Variants in ANKRD33B observed in about 807,000 individuals in gnomAD.
The protein encoded by ANKRD33B is ankyrin repeat domain-containing protein 33B.
Under a neutral mutation model 21.5 loss-of-function variants are expected in ANKRD33B, and 6 were observed. That is an observed-to-expected ratio of 0.28 (90% CI 0.15 to 0.55). ANKRD33B has a LOEUF of 0.55. Among genes scored for constraint, ANKRD33B ranks in the 20% least tolerant of loss-of-function variants. The pLI is 0.94. For missense variants in ANKRD33B, 698 were observed against 747.2 expected (o/e 0.93, Z 0.77); for synonymous variants, 347 against 342.4 (o/e 1.01, Z -0.15).
In ANKRD33B at chr5:10,656,573, G is replaced by T. The variant is rs1202939267; in HGVS notation, c.*6460G>T. The T allele has an allele frequency of 2.0e-5, 3 of 152,364 alleles. No individual in the cohort carries two copies. The highest frequency in any genetic ancestry group is 4.8e-5 in the African/African-American group (2 of 41,464). 9.4% of individuals were successfully genotyped at this position (152,364 alleles called of 1,614,324 possible). ...GATGGCGTGTTGTTCAGTGTACTCAGTGGGGTCTCACATGGCCCGAGGACC... is the reference window on the plus strand; with the variant it reads ...GATGGCGTGTTGTTCAGTGTACTCATTGGGGTCTCACATGGCCCGAGGACC... On this transcript the variant is annotated 3_prime_UTR_variant, in exon 4 of 4. Transcript: ENST00000296657.
intron 1 of ANKRD33B, among the ~76,000 whole-genome samples, chr5:10,596,671 C>A (rs1735823964): frequency 6.6e-6 from 1 of 152,150 alleles, no homozygotes; most frequent in Admixed American, 6.5e-5. Flanking sequence ...GACAGGCCAA[C>A]ATTTAAATTC....
At chr5:10,604,340 C>G (rs1364561642) in intron 1 of ANKRD33B, among the ~76,000 whole-genome samples, 1 of 150,516 alleles carries the variant, frequency 6.6e-6, no homozygotes, top group Non-Finnish European at 1.5e-5. Flanking sequence ...CACAGATATG[C>G]GCCACCGCAC....
At position 10,649,363 on chromosome 5, in the gene ANKRD33B, G is replaced by A. The variant is rs1187884890; in HGVS notation, c.735G>A (p.Arg245=). 2.0e-6 allele frequency: 3 copies of A among 1,535,360 alleles called. No homozygotes were observed. Among genetic ancestry groups the A allele is most frequent in the African/African-American group, 2.7e-5 (2 of 73,018 alleles). ...GRVDAVRLMQ[R]LLERPCPEQF... is the part of the protein sequence containing the mutation. ...TGGATGCCGTCCGTCTCATGCAGAG[G>A]CTGCTGGAGCGCCCCTGCCCGGAGC... Residue 245 remains arginine (R), a synonymous_variant, in exon 4 of 4, where the codon AGG becomes AGA. Coordinates refer to ENST00000296657, the MANE Select transcript of ANKRD33B (RefSeq NM_001164440.2).
At position 10,600,175 on chromosome 5, in the gene ANKRD33B, A is replaced by G. The variant is rs559478497; in HGVS notation, c.367-18158A>G. Among the ~76,000 whole-genome samples, 188 of 152,356 alleles carry G rather than the reference A, an allele frequency of 1.2e-3. 1 individual carries two copies. Among genetic ancestry groups the G allele is most frequent in the African/African-American group, 4.3e-3 (179 of 41,584 alleles). ...CATAGGCAAAGTTGCTTTTTCTGCTATCATTACTTCATTGAGAGATAATTT... is the reference window on the plus strand; with the variant it reads ...CATAGGCAAAGTTGCTTTTTCTGCTGTCATTACTTCATTGAGAGATAATTT... On this transcript the variant is annotated intron_variant, in intron 1 of 3. Transcript: ENST00000296657.
intron 1 of ANKRD33B, among the ~76,000 whole-genome samples, chr5:10,571,304 C>T (rs747673452): frequency 3.9e-5 from 6 of 152,162 alleles, no homozygotes; most frequent in Non-Finnish European, 7.3e-5. Flanking sequence ...CGGGTTCAAG[C>T]GATTGTCCTG....
chr5:10,593,334 G>GA (rs1735739087), intron 1 of ANKRD33B, among the ~76,000 whole-genome samples: 1 of 151,770 alleles, frequency 6.6e-6, no homozygotes, highest in Non-Finnish European at 1.5e-5. Context: ...ACTCTTTTAA[G>GA]AAAAAACAAA....
intron 1 of ANKRD33B, among the ~76,000 whole-genome samples, chr5:10,600,654 CTTTAA>C (rs1330914184): frequency 3.9e-5 from 6 of 152,162 alleles, no homozygotes. Flanking sequence ...TGGATATAGA[CTTTAA>C]TTTATTTTGA....
rs1397736905 is a variant in ANKRD33B at position 10,576,744 on chromosome 5, A to G, written c.366+11911A>G. 6.6e-6 allele frequency among the ~76,000 whole-genome samples: 1 copy of G among 152,240 alleles called. No individual in the cohort carries two copies. The highest frequency in any genetic ancestry group is 1.5e-5 in the Non-Finnish European group (1 of 68,046). On this transcript the variant is annotated intron_variant, in intron 1 of 3. Coordinates refer to ENST00000296657, the MANE Select transcript of ANKRD33B (RefSeq NM_001164440.2). This position sits in a 1 kb window ranked among gnomAD's most constrained non-coding sequence, Gnocchi z 4.1. ...CCATTTTAGCCAAGGGGAAAAGTGG[A>G]AGCAAATTGAATGTTTAACCAAAAG...
rs573240574 is a variant in ANKRD33B at position 10,607,628 on chromosome 5, T to C, written c.367-10705T>C. 1.4e-4 allele frequency among the ~76,000 whole-genome samples: 22 copies of C among 152,362 alleles called. 2 individuals are homozygous for C. The South Asian group carries it at 4.3e-3, about 30-fold the overall frequency. ...ATTAAAAAAGACTTTGTGTGTGTACTTTCACCAGCTTCTTCACAGACCGTC... is the reference window on the plus strand; with the variant it reads ...ATTAAAAAAGACTTTGTGTGTGTACCTTCACCAGCTTCTTCACAGACCGTC... On this transcript the variant is annotated intron_variant, in intron 1 of 3. Transcript: ENST00000296657.
chr5:10,601,883 T>TC (rs1293939147), intron 1 of ANKRD33B, among the ~76,000 whole-genome samples: 5 of 152,032 alleles, frequency 3.3e-5, no homozygotes, highest in Non-Finnish European at 2.9e-5. Flanking sequence ...GGCTGCCATT[T>TC]CCCCCCATGG....
chr5:10,621,714 G>A (rs1736426103), intron 2 of ANKRD33B, among the ~76,000 whole-genome samples: 1 of 152,230 alleles, frequency 6.6e-6, no homozygotes, highest in African/African-American at 2.4e-5. Context: ...GCTAATAGAT[G>A]CAAAACTGGT....
chr5:10,580,650 G>A (rs1735425581), intron 1 of ANKRD33B, among the ~76,000 whole-genome samples: 2 of 151,790 alleles, frequency 1.3e-5, no homozygotes, highest in African/African-American at 4.8e-5. Flanking sequence ...TGGGGTGGGG[G>A]CAGCTCTGTG....
intron 1 of ANKRD33B, among the ~76,000 whole-genome samples, chr5:10,589,112 C>T (rs1431860215): frequency 6.6e-6 from 1 of 152,068 alleles, no homozygotes; most frequent in Admixed American, 6.6e-5. Context: ...TAAGGTAACC[C>T]CCGAGTTCCT....
intron 2 of ANKRD33B, among the ~76,000 whole-genome samples, chr5:10,637,040 C>T (rs1458238766): frequency 2.6e-5 from 4 of 152,172 alleles, no homozygotes; most frequent in East Asian, 3.9e-4. Context: ...CCCCCTGTGC[C>T]GACTGTGCCA....
intron 2 of ANKRD33B, among the ~76,000 whole-genome samples, chr5:10,618,676 C>G (rs559775718): frequency 6.6e-6 from 1 of 152,326 alleles, no homozygotes; most frequent in South Asian, 2.1e-4. Context: ...AGCTCCGATA[C>G]TGCCCAAAGT....
chr5:10,582,004 C>T (rs1013299595), intron 1 of ANKRD33B, among the ~76,000 whole-genome samples: 1 of 152,234 alleles, frequency 6.6e-6, no homozygotes, highest in Non-Finnish European at 1.5e-5. Context: ...TCCTCAGGCT[C>T]ACGCAGCTGG....
At position 10,618,175 on chromosome 5, in the gene ANKRD33B, G is replaced by C. The variant is rs545729108; in HGVS notation, c.367-158G>C. On this transcript the variant is annotated intron_variant, in intron 1 of 3. Transcript: ENST00000296657. ...CACATTTGAGAAGGATCGAGCGGCTGGCTCACTCTAAACCATCTCTGAGAA... is the reference window on the plus strand; with the variant it reads ...CACATTTGAGAAGGATCGAGCGGCTCGCTCACTCTAAACCATCTCTGAGAA... Among the ~76,000 whole-genome samples, 27 of 152,306 alleles carry C rather than the reference G, an allele frequency of 1.8e-4. 1 individual carries two copies. Among genetic ancestry groups the C allele is most frequent in the Middle Eastern group, 3.4e-3 (1 of 294 alleles).
intron 2 of ANKRD33B, chr5:10,625,319 C>T (rs1181730955): frequency 1.3e-5 from 2 of 159,306 alleles, no homozygotes; most frequent in African/African-American, 4.8e-5. Context: ...AAAAAGATCC[C>T]TTCTCTGTCT....
At chr5:10,615,766 G>T (rs150828823) in intron 1 of ANKRD33B, among the ~76,000 whole-genome samples, 1 of 152,230 alleles carries the variant, frequency 6.6e-6, no homozygotes, top group African/African-American at 2.4e-5. Flanking sequence ...TCAGGAAATT[G>T]TAGAATACTA....
Sources: allele counts gnomAD v4.1 joint callset (sites outside exome capture counted in the v4.1 genomes callset), GRCh38; gene constraint gnomAD v4.1.1; non-coding constraint Gnocchi (gnomAD v3.1); transcripts MANE v1.5; gene names NCBI Gene and HGNC (gene_info 2026-07-23, HGNC 2026-07-21).